Variants in MACROD2 observed in about 807,000 individuals in gnomAD.
The protein encoded by MACROD2 is mono-ADP ribosylhydrolase 2, also known as ADP-ribose glycohydrolase MACROD2.
In MACROD2, 36 loss-of-function variants were observed where a neutral mutation model predicts 70.4. The observed-to-expected ratio is 0.51, with a 90% CI of 0.39 to 0.68. The LOEUF is 0.68. MACROD2 is among the 30% of genes least tolerant of loss of function. The pLI is 0.00. For synonymous variants in MACROD2, 172 were observed against 178.8 expected, an observed-to-expected ratio of 0.96 and a Z score of 0.30; for missense variants, 496 against 538.4, an observed-to-expected ratio of 0.92 and a Z score of 0.78.
chr20:15,464,085 G>C (rs1161827660), intron 7 of MACROD2, among the ~76,000 whole-genome samples: 1 of 152,164 alleles, frequency 6.6e-6, no homozygotes, highest in African/African-American at 2.4e-5. Context: ...GTCTCACCCT[G>C]TCACCCGAGC....
chr20:14,236,231 T>G (rs1367874143), intron 3 of MACROD2, among the ~76,000 whole-genome samples: 1 of 152,148 alleles, frequency 6.6e-6, no homozygotes, highest in Non-Finnish European at 1.5e-5. Flanking sequence ...GTACTAGTCA[T>G]TCCTTGGAGT....
At chr20:15,370,296 C>T (rs2045473692) in intron 6 of MACROD2, among the ~76,000 whole-genome samples, 1 of 151,972 alleles carries the variant, frequency 6.6e-6, no homozygotes. Flanking sequence ...AGAAGTAAAA[C>T]TGGAATCTAC....
intron 5 of MACROD2, among the ~76,000 whole-genome samples, chr20:15,113,117 C>A (rs1214620577): frequency 6.6e-6 from 1 of 152,158 alleles, no homozygotes; most frequent in African/African-American, 2.4e-5. Context: ...GCTTTCAATT[C>A]TTTTGAGTAT....
At chr20:14,169,852 C>T (rs1479610777) in intron 3 of MACROD2, among the ~76,000 whole-genome samples, 1 of 151,974 alleles carries the variant, frequency 6.6e-6, no homozygotes, top group Non-Finnish European at 1.5e-5. Flanking sequence ...CTAACCTAAG[C>T]CATTATCCTC....
chr20:14,049,608 G>A (rs1296380326), intron 2 of MACROD2, among the ~76,000 whole-genome samples: 2 of 149,782 alleles, frequency 1.3e-5, no homozygotes, highest in Non-Finnish European at 3.0e-5. Flanking sequence ...CAAAAATTAC[G>A]TGGGCTTGGT....
At chr20:15,142,973 T>G (rs975197932) in intron 5 of MACROD2, among the ~76,000 whole-genome samples, 1 of 152,082 alleles carries the variant, frequency 6.6e-6, no homozygotes, top group South Asian at 2.1e-4. Flanking sequence ...AATAAACATA[T>G]GTGTGCATGT....
chr20:15,576,552 G>GTT (rs11473854), intron 8 of MACROD2, among the ~76,000 whole-genome samples: 52 of 145,758 alleles, frequency 3.6e-4, no homozygotes, highest in Middle Eastern at 3.6e-3. Flanking sequence ...TGCACAAAAT[G>GTT]TTTTTTTTTT....
intron 5 of MACROD2, among the ~76,000 whole-genome samples, chr20:15,010,423 T>G (rs1346673740): frequency 1.3e-5 from 2 of 152,212 alleles, no homozygotes; most frequent in Non-Finnish European, 2.9e-5. Context: ...AAGAAGGAAT[T>G]ATAGTCCCAA....
intron 10 of MACROD2, among the ~76,000 whole-genome samples, chr20:15,899,361 A>G (rs945926377): frequency 3.5e-4 from 53 of 152,126 alleles, no homozygotes; most frequent in Admixed American, 3.3e-3. Context: ...TACATTTCTA[A>G]TACATAGCCT....
At chr20:14,667,097 C>T (rs1390081164) in intron 4 of MACROD2, among the ~76,000 whole-genome samples, 1 of 152,040 alleles carries the variant, frequency 6.6e-6, no homozygotes, top group African/African-American at 2.4e-5. Flanking sequence ...AAAATCTTTA[C>T]CTGCTCAAAG....
intron 5 of MACROD2, among the ~76,000 whole-genome samples, chr20:15,111,806 G>T (rs2075957538): frequency 6.6e-6 from 1 of 152,182 alleles, no homozygotes; most frequent in Non-Finnish European, 1.5e-5. Flanking sequence ...GGCAGGGCAG[G>T]CCCTCTCTGC....
In MACROD2 at chr20:15,718,563, A is replaced by G. The variant is rs946860056; in HGVS notation, c.646-144182A>G. Among the ~76,000 whole-genome samples the G allele has an allele frequency of 2.6e-5, 4 of 152,184 alleles. No individual in the cohort carries two copies. In the East Asian group the frequency reaches 7.7e-4, roughly 29 times the overall value. ...TCACCAAGGCAATGTAGGGTGGATAAGCAGTGTAGGGTGGATCACCAAGGC... is the reference window on the plus strand; with the variant it reads ...TCACCAAGGCAATGTAGGGTGGATAGGCAGTGTAGGGTGGATCACCAAGGC... On this transcript the variant is annotated intron_variant, in intron 8 of 17. Transcript: ENST00000684519.
chr20:14,207,345 C>T (rs1207075539), intron 3 of MACROD2, among the ~76,000 whole-genome samples: 1 of 152,106 alleles, frequency 6.6e-6, no homozygotes, highest in Non-Finnish European at 1.5e-5. Context: ...CGTGGTCCGC[C>T]CGTCTTGGCC....
chr20:15,114,203 T>C (rs577000169), intron 5 of MACROD2, among the ~76,000 whole-genome samples: 103 of 152,334 alleles, frequency 6.8e-4, no homozygotes, highest in African/African-American at 2.3e-3. Context: ...TGAACATCAA[T>C]GTGGTAGACA....
chr20:14,381,627 G>T (rs1436373042), intron 3 of MACROD2, among the ~76,000 whole-genome samples: 1 of 152,150 alleles, frequency 6.6e-6, no homozygotes, highest in East Asian at 1.9e-4. Context: ...AAGGAAGATA[G>T]TAGTAGCAGT....
At chr20:14,623,512 A>T (rs1045027984) in intron 4 of MACROD2, among the ~76,000 whole-genome samples, 8 of 152,184 alleles carry the variant, frequency 5.3e-5, no homozygotes, top group African/African-American at 1.9e-4. Flanking sequence ...AATGATGACC[A>T]ATACTATAAT....
chr20:15,993,262 GTGTGTGTA>G (rs1028346147), intron 15 of MACROD2, among the ~76,000 whole-genome samples: 1 of 132,540 alleles, frequency 7.5e-6, no homozygotes, highest in Non-Finnish European at 1.7e-5. Flanking sequence ...GTGTGTGTGT[GTGTGTGTA>G]TAAAATCCAT....
chr20:14,866,413 C>G (rs2073428291), intron 5 of MACROD2, among the ~76,000 whole-genome samples: 1 of 152,114 alleles, frequency 6.6e-6, no homozygotes, highest in African/African-American at 2.4e-5. Context: ...TAGACACACT[C>G]CATTGCTCAC....
chr20:15,499,738 T>C lies in MACROD2; in HGVS notation c.572-36T>C, dbSNP rs762960814. 1.1e-5 allele frequency: 17 copies of C among 1,606,868 alleles called. No individual in the cohort carries two copies. In the South Asian group the frequency reaches 1.9e-4, roughly 18 times the overall value. On this transcript the variant is annotated intron_variant, in intron 7 of 17. Transcript: ENST00000684519. ...TTAGCCTCCCTTTTGCCTTCATCTT[T>C]CGTTGTTCATTTGTTTTTTCCTGCT...
Sources: gnomAD v4.1 joint callset for allele counts (sites outside exome capture counted in the v4.1 genomes callset) on GRCh38, gnomAD v4.1.1 for gene constraint, MANE v1.5 for transcripts, NCBI Gene and HGNC (gene_info 2026-07-23, HGNC 2026-07-21) for gene names.